MYO1B: variants seen among roughly 807,000 people sequenced by gnomAD.
MYO1B encodes myosin IB.
In MYO1B, 72 loss-of-function variants were observed where a neutral mutation model predicts 159.7. The ratio of observed to expected loss-of-function variants is 0.45; its 90% CI spans 0.37 to 0.55. The LOEUF (loss-of-function observed/expected upper bound fraction) is 0.55, where lower values mean the gene tolerates loss of function less well. MYO1B is among the 20% of genes least tolerant of loss of function. The pLI is 0.00. For missense variants in MYO1B, 1,062 were observed against 1,364.8 expected (o/e 0.78, Z 3.50); for synonymous variants, 468 against 473.8 (o/e 0.99, Z 0.16).
At chr2:191,245,909 C>G (rs1263568536) in intron 1 of MYO1B, 2 of 152,286 alleles carry the variant, frequency 1.3e-5, no homozygotes, top group Admixed American at 1.3e-4. Context: ...TTGCCCCATG[C>G]CTCTCGTACC....
intron 3 of MYO1B, among the ~76,000 whole-genome samples, chr2:191,304,386 C>T (rs1689517497): frequency 6.6e-6 from 1 of 152,170 alleles, no homozygotes; most frequent in South Asian, 2.1e-4. Context: ...GCCTGACCAA[C>T]ATGGAGAAAC....
chr2:191,378,124 C>G (rs1406428455), intron 13 of MYO1B, among the ~76,000 whole-genome samples: 2 of 151,846 alleles, frequency 1.3e-5, no homozygotes, highest in Non-Finnish European at 2.9e-5. Flanking sequence ...TGAAAAGGAG[C>G]CTTAGCACGG....
chr2:191,352,441 T>A (rs1692987248), intron 7 of MYO1B, among the ~76,000 whole-genome samples: 1 of 152,218 alleles, frequency 6.6e-6, no homozygotes, highest in Non-Finnish European at 1.5e-5. Context: ...AGGAAAATAA[T>A]TCAGGATGAT....
At chr2:191,271,913 G>C (rs1687476788) in intron 1 of MYO1B, among the ~76,000 whole-genome samples, 1 of 152,164 alleles carries the variant, frequency 6.6e-6, no homozygotes, top group South Asian at 2.1e-4. Flanking sequence ...ACATATGGTA[G>C]GTGGCTTGCA....
Position 191,402,659 on chromosome 2 carries a change from G to A in MYO1B, c.2497G>A (p.Glu833Lys), listed in dbSNP as rs775548211. 1.9e-6 allele frequency: 3 copies of A among 1,613,660 alleles called. No individual in the cohort carries two copies. The highest frequency in any genetic ancestry group is 2.2e-5 in the South Asian group (2 of 90,996). Residue 833 changes from glutamate (E) to lysine (K), a missense_variant, in exon 24 of 31, where the codon GAG (glutamate) becomes AAG (lysine). Physicochemically the swap from Glu to Lys is moderately conservative, Grantham distance 56. Coordinates refer to ENST00000392318, the MANE Select transcript of MYO1B (RefSeq NM_001130158.3). ...TCGAAGGGAATTGAAACGCTTGAAG[G>A]AGGAGGCTAGGCGTAAGCATGCAGT... The part of the protein sequence containing the change: ...KARRELKRLK[E>K]EARRKHAVAV...
chr2:191,252,248 C>T (rs901528410), intron 1 of MYO1B, among the ~76,000 whole-genome samples: 9 of 152,188 alleles, frequency 5.9e-5, no homozygotes, highest in African/African-American at 1.9e-4. Flanking sequence ...AAAAAGTTCT[C>T]GCTTGCCTGA....
Position 191,414,088 on chromosome 2 carries a change from A to C in MYO1B, c.2914A>C (p.Lys972Gln), listed in dbSNP as rs745640643. Residue 972 changes from lysine to glutamine, a missense_variant, in exon 28 of 31, where the codon AAG (lysine) becomes CAG (glutamine). By Grantham distance (53) the Lys-to-Gln change is moderately conservative. Coordinates refer to ENST00000392318, the MANE Select transcript of MYO1B (RefSeq NM_001130158.3). ...PFQGAYLEINKNPKYKKLKDA... is the reference protein window; with the variant it reads ...PFQGAYLEINQNPKYKKLKDA... ...CCAAGGGGCTTACCTGGAAATCAAC[A>C]AGAACCCCAAGTATAAGAAACTCAA... is the stretch of plus-strand genomic sequence containing the variant. 1.2e-6 allele frequency: 2 copies of C among 1,613,278 alleles called. No homozygotes were observed. The highest frequency in any genetic ancestry group is 2.2e-5 in the South Asian group (2 of 90,780).
intron 2 of MYO1B, among the ~76,000 whole-genome samples, chr2:191,283,397 C>T (rs1017185248): frequency 1.1e-4 from 17 of 152,192 alleles, no homozygotes; most frequent in African/African-American, 3.9e-4. Context: ...GAAGCAAAAA[C>T]TTGACGTCTA....
chr2:191,413,651 T>C (rs1381505474), intron 27 of MYO1B, among the ~76,000 whole-genome samples: 3 of 152,184 alleles, frequency 2.0e-5, no homozygotes, highest in Non-Finnish European at 4.4e-5. Context: ...CTGCCACATA[T>C]TGTTTGAAGG....
At chr2:191,337,851 A>T (rs1193894006) in intron 4 of MYO1B, among the ~76,000 whole-genome samples, 1 of 152,134 alleles carries the variant, frequency 6.6e-6, no homozygotes, top group Non-Finnish European at 1.5e-5. Flanking sequence ...TCAGAAATGC[A>T]GTTTTTCATT....
chr2:191,272,156 A>G (rs1395512634), intron 1 of MYO1B, among the ~76,000 whole-genome samples: 1 of 152,182 alleles, frequency 6.6e-6, no homozygotes, highest in East Asian at 1.9e-4. Context: ...ATGAGAGTAG[A>G]TAGGGGAAGG....
Position 191,347,513 on chromosome 2 carries a change from A to G in MYO1B, c.498+1231A>G, listed in dbSNP as rs1376254984. On this transcript the variant is annotated intron_variant, in intron 6 of 30. Transcript: ENST00000392318. ...CACACACAGTATTTAATATTTGCAA[A>G]TATATTTAGTCTATAGATCACAAAA... Among the ~76,000 whole-genome samples, 12 of 152,352 alleles carry G rather than the reference A, an allele frequency of 7.9e-5. No homozygotes were observed. In the East Asian group the frequency reaches 2.1e-3, roughly 27 times the overall value.
intron 25 of MYO1B, 24 bp downstream of exon 25, chr2:191,408,213 G>A: frequency 1.3e-6 from 2 of 1,566,084 alleles, no homozygotes; most frequent in East Asian, 2.2e-5. Context: ...TTATATCTGT[G>A]GATAATCAGC....
intron 11 of MYO1B, among the ~76,000 whole-genome samples, chr2:191,365,319 G>A (rs929723992): frequency 6.6e-6 from 1 of 152,142 alleles, no homozygotes; most frequent in African/African-American, 2.4e-5. Flanking sequence ...CTCCATAAAT[G>A]GTAGGGTGGA....
At chr2:191,266,326 T>G (rs936593283) in intron 1 of MYO1B, among the ~76,000 whole-genome samples, 1 of 152,204 alleles carries the variant, frequency 6.6e-6, no homozygotes, top group Admixed American at 6.5e-5. Context: ...AACAGCCCTG[T>G]GGAATAGATA....
chr2:191,335,101 T>G (rs949483829), intron 4 of MYO1B, among the ~76,000 whole-genome samples: 1 of 152,152 alleles, frequency 6.6e-6, no homozygotes, highest in African/African-American at 2.4e-5. Context: ...ACTATCGTCT[T>G]GGGTGCTTCA....
chr2:191,351,781 A>T (rs1257879962), intron 7 of MYO1B, among the ~76,000 whole-genome samples: 1 of 152,180 alleles, frequency 6.6e-6, no homozygotes, highest in African/African-American at 2.4e-5. Context: ...CCAGCTCAGG[A>T]GATTGACTTA....
chr2:191,422,586 GAT>G (rs1408033837), intron 30 of MYO1B, among the ~76,000 whole-genome samples: 4 of 152,074 alleles, frequency 2.6e-5, no homozygotes, highest in Non-Finnish European at 5.9e-5. Context: ...GGGTATTAAA[GAT>G]ATATGTGGTA....
At chr2:191,361,004 T>G (rs1463094450) in intron 8 of MYO1B, among the ~76,000 whole-genome samples, 2 of 152,192 alleles carry the variant, frequency 1.3e-5, no homozygotes, top group African/African-American at 4.8e-5. Context: ...AAGAATATTT[T>G]TTATGATTCT....
Sources: gnomAD v4.1 joint callset for allele counts (sites outside exome capture counted in the v4.1 genomes callset) on GRCh38, gnomAD v4.1.1 for gene constraint, MANE v1.5 for transcripts, NCBI Gene and HGNC (gene_info 2026-07-23, HGNC 2026-07-21) for gene names.